MCC: variants seen among roughly 807,000 people sequenced by gnomAD.
MCC encodes colorectal mutant cancer protein.
Under a neutral mutation model 116.2 loss-of-function variants are expected in MCC, and 90 were observed. That is an observed-to-expected ratio of 0.77 (90% CI 0.65 to 0.92). The LOEUF is 0.92. Ranked by LOEUF, MCC falls within the 40% of genes least tolerant of loss-of-function variation. The probability of loss-of-function intolerance (pLI) is 0.00; values close to 1 mark genes in which losing one functional copy is unlikely to be tolerated. For synonymous variants in MCC, 578 were observed against 510.5 expected (o/e 1.13, Z -1.78); for missense variants, 1,516 against 1,312.2 (o/e 1.16, Z -2.40).
chr5:113,133,114 C>T (rs1251907298), intron 5 of MCC, among the ~76,000 whole-genome samples: 2 of 151,922 alleles, frequency 1.3e-5, no homozygotes, highest in African/African-American at 4.8e-5. Context: ...CTGGGATATC[C>T]ATCACCTTCA....
intron 3 of MCC, among the ~76,000 whole-genome samples, chr5:113,318,614 A>C (rs371481844): frequency 1.3e-4 from 19 of 151,986 alleles, no homozygotes; most frequent in African/African-American, 3.9e-4. Context: ...CTTACTTATA[A>C]GTGGGAGCTA....
At chr5:113,469,178 T>C (rs1014623602) in intron 1 of MCC, among the ~76,000 whole-genome samples, 3 of 152,180 alleles carry the variant, frequency 2.0e-5, no homozygotes, top group Non-Finnish European at 4.4e-5. Flanking sequence ...GTGTCTCTAT[T>C]TCCCTCAGTT....
rs777511480 is a variant in MCC, at chr5:113,316,730, G to C, written c.627+23789C>G. On this transcript the variant is annotated intron_variant, in intron 3 of 18. Coordinates refer to ENST00000408903, the MANE Select transcript of MCC (RefSeq NM_001085377.2). ...CCAGCTCTGAACATATGCTAGCTTT[G>C]TATCAAAGAGGGTAAACCAAACTGC... Among the ~76,000 whole-genome samples the C allele has an allele frequency of 2.0e-5, 3 of 152,232 alleles. No individual in the cohort carries two copies. In the East Asian group the frequency reaches 5.8e-4, roughly 29 times the overall value.
At chr5:113,366,595 A>C (rs1236728029) in intron 2 of MCC, among the ~76,000 whole-genome samples, 1 of 152,124 alleles carries the variant, frequency 6.6e-6, no homozygotes, top group African/African-American at 2.4e-5. Flanking sequence ...ACCTGAGAAG[A>C]CGCTGAAATT....
chr5:113,295,903 A>G (rs74463791), intron 3 of MCC, among the ~76,000 whole-genome samples: 1 of 152,282 alleles, frequency 6.6e-6, no homozygotes, highest in East Asian at 1.9e-4. Flanking sequence ...CAATAACAGA[A>G]CTTGGCATAT....
intron 1 of MCC, among the ~76,000 whole-genome samples, chr5:113,423,974 C>G (rs560957414): frequency 6.6e-6 from 1 of 152,042 alleles, no homozygotes; most frequent in Non-Finnish European, 1.5e-5. Flanking sequence ...TAGCTTTATA[C>G]CAACCAGATG....
chr5:113,444,893 A>G (rs1405072749), intron 1 of MCC, among the ~76,000 whole-genome samples: 1 of 152,210 alleles, frequency 6.6e-6, no homozygotes, highest in Non-Finnish European at 1.5e-5. Flanking sequence ...TTATTCCCAC[A>G]ATAACCCTAT....
At chr5:113,347,814 C>G (rs1054417001) in intron 2 of MCC, among the ~76,000 whole-genome samples, 3 of 151,848 alleles carry the variant, frequency 2.0e-5, no homozygotes, top group Admixed American at 6.6e-5. Flanking sequence ...ACCAAATGAC[C>G]AAATGACCTG....
chr5:113,454,319 C>T (rs1046624574), intron 1 of MCC, among the ~76,000 whole-genome samples: 4 of 152,010 alleles, frequency 2.6e-5, no homozygotes, highest in Admixed American at 6.5e-5. Flanking sequence ...TGCCCAGGCT[C>T]GTCTACAACT....
chr5:113,040,154 C>A (rs1280703242), intron 17 of MCC, among the ~76,000 whole-genome samples: 1 of 149,946 alleles, frequency 6.7e-6, no homozygotes, highest in African/African-American at 2.5e-5. Context: ...GAAATCAGAC[C>A]AGATGGGAGT....
intron 6 of MCC, among the ~76,000 whole-genome samples, chr5:113,106,349 G>A (rs1756729761): frequency 2.9e-5 from 3 of 102,808 alleles, no homozygotes; most frequent in Admixed American, 1.0e-4. Context: ...CATTCACTAT[G>A]CCCCATTCAC....
chr5:113,265,857 C>T (rs150601883), intron 3 of MCC, among the ~76,000 whole-genome samples: 48 of 152,186 alleles, frequency 3.2e-4, no homozygotes, highest in Non-Finnish European at 5.4e-4. Context: ...CAAATTCACA[C>T]GTCTAAGTGT....
At chr5:113,162,226 A>G (rs535995774) in intron 3 of MCC, among the ~76,000 whole-genome samples, 2 of 152,362 alleles carry the variant, frequency 1.3e-5, no homozygotes, top group African/African-American at 4.8e-5. Flanking sequence ...AGAATGGGAA[A>G]GAGATTAGGT....
rs573502245 is a variant in MCC, at chr5:113,280,253, G to A, written c.627+60266C>T. On this transcript the variant is annotated intron_variant, in intron 3 of 18. Coordinates refer to ENST00000408903, the MANE Select transcript of MCC (RefSeq NM_001085377.2). ...TAGCCCAGATCCTTTTTCATGGAAA[G>A]GGAACCTGGGGGTGGTGGGTTCCAG... Among the ~76,000 whole-genome samples the A allele has an allele frequency of 2.6e-5, 4 of 152,318 alleles. No individual in the cohort carries two copies. In the South Asian group the frequency reaches 8.3e-4, roughly 32 times the overall value.
chr5:113,223,690 C>A (rs1460728179), intron 3 of MCC, among the ~76,000 whole-genome samples: 1 of 152,102 alleles, frequency 6.6e-6, no homozygotes, highest in Non-Finnish European at 1.5e-5. Flanking sequence ...GCCTAGACCA[C>A]AGAATGACCG....
chr5:113,320,452 C>A (rs200481592), intron 3 of MCC, among the ~76,000 whole-genome samples: 582 of 131,998 alleles, frequency 4.4e-3, no homozygotes, highest in African/African-American at 4.8e-3. Context: ...AGACTCATTG[C>A]AAAAAAAAAA....
At chr5:113,058,763 C>T (rs1326933187) in intron 14 of MCC, among the ~76,000 whole-genome samples, 2 of 152,230 alleles carry the variant, frequency 1.3e-5, no homozygotes, top group Non-Finnish European at 2.9e-5. Flanking sequence ...TCCTGCCTCA[C>T]TAAGTTGTGG....
chr5:113,115,073 TG>T (rs892551433), intron 6 of MCC, among the ~76,000 whole-genome samples: 1 of 152,130 alleles, frequency 6.6e-6, no homozygotes, highest in Admixed American at 6.5e-5. Flanking sequence ...ACATGCCCTC[TG>T]GGGCTTTGGG....
At chr5:113,247,646 A>C (rs980808206) in intron 3 of MCC, among the ~76,000 whole-genome samples, 1 of 152,188 alleles carries the variant, frequency 6.6e-6, no homozygotes, top group East Asian at 1.9e-4. Flanking sequence ...GAGGAGACTC[A>C]GCAGTTTAGG....
Sources: gnomAD v4.1 joint callset for allele counts (sites outside exome capture counted in the v4.1 genomes callset) on GRCh38, gnomAD v4.1.1 for gene constraint, MANE v1.5 for transcripts, NCBI Gene and HGNC (gene_info 2026-07-23, HGNC 2026-07-21) for gene names.